PIGN: variants seen among roughly 807,000 people sequenced by gnomAD.
PIGN encodes GPI ethanolamine phosphate transferase 1.
A neutral mutation model predicts 125.4 loss-of-function variants in PIGN; 117 were observed. That is an observed-to-expected ratio of 0.93 (90% CI 0.80 to 1.09). The LOEUF (loss-of-function observed/expected upper bound fraction) is 1.09, where lower values mean the gene tolerates loss of function less well. PIGN is among the 50% of genes least tolerant of loss of function. PIGN has a pLI of 0.00. For missense variants in PIGN, 1,075 were observed against 1,094.9 expected, an observed-to-expected ratio of 0.98 and a Z score of 0.26; for synonymous variants, 392 against 377.8, an observed-to-expected ratio of 1.04 and a Z score of -0.44.
intron 20 of PIGN, chr18:62,103,932 T>C (rs2034542492): frequency 2.0e-5 from 3 of 152,238 alleles, no homozygotes; most frequent in African/African-American, 7.2e-5. Flanking sequence ...TCTAAACTTA[T>C]TGGCAAATAT....
intron 30 of PIGN, among the ~76,000 whole-genome samples, chr18:62,069,028 T>C (rs1331223805): frequency 3.3e-5 from 5 of 152,226 alleles, no homozygotes; most frequent in Non-Finnish European, 5.9e-5. Context: ...TTATGCTTCC[T>C]GAAAGCCCAG....
chr18:62,150,308 T>C (rs1363322279), intron 7 of PIGN, among the ~76,000 whole-genome samples: 11 of 152,054 alleles, frequency 7.2e-5, no homozygotes, highest in Admixed American at 7.2e-4. Context: ...AAGTTAACAG[T>C]GTGAAAAAGT....
intron 23 of PIGN, among the ~76,000 whole-genome samples, chr18:62,033,184 G>A (rs1314686810): frequency 6.6e-6 from 1 of 152,168 alleles, no homozygotes; most frequent in Non-Finnish European, 1.5e-5. Context: ...CTTCTATAGT[G>A]GGAGGCAGAG....
rs954288759 is a variant in PIGN, at chr18:62,056,133, G to A, written c.2673-10154C>T. On this transcript the variant is annotated intron_variant, in intron 30 of 30. Coordinates refer to ENST00000640252, the MANE Select transcript of PIGN (RefSeq NM_176787.5). The stretch of plus-strand genomic sequence containing the variant: ...ATCAGACTCTCCCAAAATAGAATAA[G>A]CATAATCAATACCGAAAGCTAAAAA... Among the ~76,000 whole-genome samples the A allele has an allele frequency of 4.1e-5, 6 of 145,808 alleles. No individual in the cohort carries two copies. In the South Asian group the frequency reaches 1.3e-3, roughly 32 times the overall value.
chr18:62,155,564 C>T (rs975065608), intron 6 of PIGN, among the ~76,000 whole-genome samples: 19 of 151,704 alleles, frequency 1.3e-4, no homozygotes, highest in Non-Finnish European at 2.2e-4. Context: ...GGCAAAACTC[C>T]GTCTCAAAAA....
Position 62,045,926 on chromosome 18 carries a change from T to C in PIGN, c.2726A>G (p.Asn909Ser), listed in dbSNP as rs759009501. Residue 909 changes from asparagine (N) to serine (S), a missense_variant, in exon 31 of 31, where the codon AAT becomes AGT. By Grantham distance (46) the Asn-to-Ser change is conservative (BLOSUM62 1). Around this residue, in one of 3 missense-constraint regions of PIGN, gnomAD observed 915 missense variants for 908.7 expected, o/e 1.01. Transcript: ENST00000640252. Reference sequence around the variant, plus strand: ...CGTTGTGAGCAGCTGGGCCAGGCCATTGAGGAACACCAAAAAGATGGTCAT... The same window carrying C: ...CGTTGTGAGCAGCTGGGCCAGGCCACTGAGGAACACCAAAAAGATGGTCAT... ...MSMTIFLVFL[N>S]GLAQLLTTKK... 1.9e-6 allele frequency: 3 copies of C among 1,613,650 alleles called. No homozygotes were observed. Among genetic ancestry groups the C allele is most frequent in the Non-Finnish European group, 2.5e-6 (3 of 1,179,744 alleles).
chr18:62,066,893 C>T (rs1375574678), intron 30 of PIGN, among the ~76,000 whole-genome samples: 1 of 152,226 alleles, frequency 6.6e-6, no homozygotes, highest in African/African-American at 2.4e-5. Flanking sequence ...TAATCTCCCT[C>T]AAAGGGAGGT....
chr18:62,025,781 C>T (rs1047876998), intron 23 of PIGN, among the ~76,000 whole-genome samples: 7 of 152,146 alleles, frequency 4.6e-5, no homozygotes, highest in Non-Finnish European at 1.0e-4. Flanking sequence ...GAATATCCAC[C>T]ACCTGTGACT....
chr18:62,056,455 T>C (rs1191881291), intron 30 of PIGN, among the ~76,000 whole-genome samples: 1 of 152,088 alleles, frequency 6.6e-6, no homozygotes, highest in African/African-American at 2.4e-5. Context: ...CCAATTTGTG[T>C]CCTTTCTCCT....
intron 7 of PIGN, among the ~76,000 whole-genome samples, chr18:62,152,868 A>ATATT (rs1175129081): frequency 3.7e-4 from 54 of 144,850 alleles, no homozygotes; most frequent in African/African-American, 1.3e-3. Flanking sequence ...ATATATATAT[A>ATATT]TTTTTTTTTT....
At chr18:62,071,839 G>A (rs957411390) in intron 30 of PIGN, among the ~76,000 whole-genome samples, 5 of 120,784 alleles carry the variant, frequency 4.1e-5, no homozygotes, top group Admixed American at 9.4e-5. Flanking sequence ...ATTTTTCATC[G>A]TTTTTTAGAC....
At chr18:62,155,160 C>T (rs767748273) in intron 6 of PIGN, among the ~76,000 whole-genome samples, 3 of 152,016 alleles carry the variant, frequency 2.0e-5, no homozygotes, top group Admixed American at 2.0e-4. Context: ...TTGCTTATTG[C>T]CAAAGAGTTT....
chr18:62,157,928 T>A, intron 4 of PIGN, 120 bp from the exon 5 acceptor site: 2 of 933,010 alleles, frequency 2.1e-6, no homozygotes, highest in Non-Finnish European at 3.1e-6. Flanking sequence ...AGTCAAAACT[T>A]AAGAAGGAAA....
intron 3 of PIGN, among the ~76,000 whole-genome samples, chr18:62,161,627 G>A (rs2036956530): frequency 6.6e-6 from 1 of 152,014 alleles, no homozygotes; most frequent in South Asian, 2.1e-4. Flanking sequence ...ATAAGTAATT[G>A]GGACAAATAA....
At chr18:62,020,834 G>A (rs1325213145) in intron 23 of PIGN, among the ~76,000 whole-genome samples, 2 of 151,570 alleles carry the variant, frequency 1.3e-5, no homozygotes, top group Non-Finnish European at 2.9e-5. Context: ...GGTAGCAGGC[G>A]CCTGTAGTCC....
intron 28 of PIGN, among the ~76,000 whole-genome samples, chr18:62,077,560 C>T (rs934849636): frequency 2.0e-5 from 3 of 152,044 alleles, no homozygotes; most frequent in Non-Finnish European, 2.9e-5. Flanking sequence ...TTGTCTTAGC[C>T]TCAGTTTCCT....
chr18:62,114,597 T>C lies in PIGN; in HGVS notation c.1215A>G (p.Ala405=). ...DSKQFNILRK[A]RSYIKHRKFD... The stretch of plus-strand genomic sequence containing the variant: ...ACTTTCTGTGTTTTATATAAGATCT[T>C]GCTTTTCTTAAAATGTTGAACTGTT... The change falls in exon 15 of 31, where the codon GCA becomes GCG. Residue 405 remains alanine (A), a synonymous_variant. Coordinates refer to ENST00000640252, the MANE Select transcript of PIGN (RefSeq NM_176787.5). 1 of 1,525,888 alleles carries C rather than the reference T, an allele frequency of 6.6e-7. No individual in the cohort carries two copies. The allele number at this position is 1,525,888 out of a possible 1,614,324, so 94.5% of individuals were successfully genotyped here.
intron 28 of PIGN, among the ~76,000 whole-genome samples, chr18:62,080,564 G>GA (rs2033401185): frequency 6.6e-6 from 1 of 152,200 alleles, no homozygotes; most frequent in South Asian, 2.1e-4. Flanking sequence ...CAGAAAAGGA[G>GA]AATCGGCTGA....
intron 30 of PIGN, among the ~76,000 whole-genome samples, chr18:62,060,475 G>A (rs2032051455): frequency 6.6e-6 from 1 of 152,188 alleles, no homozygotes; most frequent in Non-Finnish European, 1.5e-5. Flanking sequence ...AAAAGTCTGA[G>A]AATCATTGGT....
Sources: allele counts gnomAD v4.1 joint callset (sites outside exome capture counted in the v4.1 genomes callset), GRCh38; gene constraint gnomAD v4.1.1; regional missense constraint gnomAD v4.1.1; transcripts MANE v1.5; gene names NCBI Gene and HGNC (gene_info 2026-07-23, HGNC 2026-07-21).